PPIP5K2: variants seen among roughly 807,000 people sequenced by gnomAD.
The protein encoded by PPIP5K2 is diphosphoinositol pentakisphosphate kinase 2, also known as inositol hexakisphosphate and diphosphoinositol-pentakisphosphate kinase 2.
A neutral mutation model predicts 154.6 loss-of-function variants in PPIP5K2; 105 were observed. The ratio of observed to expected loss-of-function variants is 0.68; its 90% confidence interval spans 0.58 to 0.80. PPIP5K2 has a LOEUF of 0.80. Among genes scored for constraint, PPIP5K2 ranks in the 30% least tolerant of loss-of-function variants. The probability of loss-of-function intolerance (pLI) is 0.00; values close to 1 mark genes in which losing one functional copy is unlikely to be tolerated. For missense variants in PPIP5K2, 992 were observed against 1,504.6 expected (o/e 0.66, Z 5.64); for synonymous variants, 480 against 490.3 (o/e 0.98, Z 0.28).
intron 5 of PPIP5K2, among the ~76,000 whole-genome samples, chr5:103,143,625 A>T (rs959205353): frequency 6.6e-6 from 1 of 152,228 alleles, no homozygotes; most frequent in Non-Finnish European, 1.5e-5. Flanking sequence ...GAATTCTTGC[A>T]ACAAAACACT....
intron 17 of PPIP5K2, among the ~76,000 whole-genome samples, chr5:103,160,554 A>T (rs1554215306): frequency 6.6e-6 from 1 of 152,218 alleles, no homozygotes; most frequent in East Asian, 1.9e-4. Context: ...GTAAAAGGCC[A>T]GATAGTAAAT....
chr5:103,120,342 C>G lies in PPIP5K2; in HGVS notation c.-431C>G, dbSNP rs1362161518. On this transcript the variant is annotated 5_prime_UTR_variant, in exon 1 of 31. The change creates a premature stop within an existing upstream ORF in the 5' untranslated region. Transcript: ENST00000358359. ...CCCTTATGTGGCCCTATAGCTGTTA[C>G]TGAAGGAAGTAGCCTACGTCCACGC... 4.4e-6 allele frequency: 2 copies of G among 451,238 alleles called. No individual in the cohort carries two copies. Among genetic ancestry groups the G allele is most frequent in the African/African-American group, 2.0e-5 (1 of 49,968 alleles). 28.0% of individuals were successfully genotyped at this position (451,238 alleles called of 1,614,324 possible).
chr5:103,130,208 G>A (rs1439124191), intron 2 of PPIP5K2, among the ~76,000 whole-genome samples: 1 of 152,130 alleles, frequency 6.6e-6, no homozygotes, highest in Non-Finnish European at 1.5e-5. Flanking sequence ...AAGTATCTAT[G>A]TGTTTGTGTG....
intron 24 of PPIP5K2, among the ~76,000 whole-genome samples, chr5:103,182,996 G>A (rs1259402168): frequency 6.6e-6 from 1 of 151,692 alleles, no homozygotes; most frequent in African/African-American, 2.4e-5. Context: ...TTCCATAGTT[G>A]TTATCACATA....
Position 103,177,884 on chromosome 5 carries a change from C to T in PPIP5K2, c.2658C>T (p.Arg886=), listed in dbSNP as rs781790564. The change falls in exon 23 of 31, where the codon CGC becomes CGT. Residue 886 remains arginine (R), a synonymous_variant. Coordinates refer to ENST00000358359, the MANE Select transcript of PPIP5K2 (RefSeq NM_001276277.3). ...DPNKDLSSEE[R]FHVELHFSPG... is the part of the protein sequence containing the mutation. ...CTTAGGATCTTTCCTCAGAAGAACG[C>T]TTTCATGTTGAATTACACTTTAGTC... 1 of 1,612,908 alleles carries T rather than the reference C, an allele frequency of 6.2e-7. No homozygotes were observed. The highest frequency in any genetic ancestry group is 8.5e-7 in the Non-Finnish European group (1 of 1,179,214).
chr5:103,129,193 G>C (rs1790218098), intron 1 of PPIP5K2, 113 bp from the exon 2 acceptor site: 1 of 152,326 alleles, frequency 6.6e-6, no homozygotes, highest in Non-Finnish European at 1.5e-5. Context: ...TTTTCATTTT[G>C]ACAATATACA....
intron 1 of PPIP5K2, among the ~76,000 whole-genome samples, chr5:103,126,410 C>A (rs1195226738): frequency 1.3e-5 from 2 of 151,822 alleles, no homozygotes; most frequent in Non-Finnish European, 2.9e-5. Flanking sequence ...CTTTTTTTTC[C>A]CCGAAAGTTG....
chr5:103,198,008 A>G (rs1554229146), intron 30 of PPIP5K2, among the ~76,000 whole-genome samples: 1 of 152,022 alleles, frequency 6.6e-6, no homozygotes, highest in Admixed American at 6.6e-5. Context: ...ATTGATTGTT[A>G]TCTATTTCAA....
At chr5:103,146,721 T>A (rs782155598) in intron 6 of PPIP5K2, 40 bp downstream of exon 6, 1 of 1,513,808 alleles carries the variant, frequency 6.6e-7, no homozygotes, top group Non-Finnish European at 9.0e-7. Flanking sequence ...CTCTTCTTTG[T>A]ACATTGTCGT....
chr5:103,191,988 C>A (rs2149805991), intron 29 of PPIP5K2, among the ~76,000 whole-genome samples: 1 of 152,094 alleles, frequency 6.6e-6, no homozygotes, highest in Middle Eastern at 3.4e-3. Flanking sequence ...ACTTTTATGT[C>A]TGACTGTCAT....
chr5:103,140,717 G>A (rs1430846639), intron 5 of PPIP5K2, among the ~76,000 whole-genome samples: 2 of 150,850 alleles, frequency 1.3e-5, no homozygotes, highest in East Asian at 3.9e-4. Flanking sequence ...GGCGCCTGTA[G>A]TCCCAGCTAC....
At chr5:103,189,245 T>G (rs532566737) in intron 28 of PPIP5K2, 1 of 1,495,494 alleles carries the variant, frequency 6.7e-7, no homozygotes, top group African/African-American at 1.4e-5. Flanking sequence ...TTATAGCTTC[T>G]AAACATGTCA....
chr5:103,186,537 C>G, intron 27 of PPIP5K2, 98 bp downstream of exon 27: 1 of 1,512,136 alleles, frequency 6.6e-7, no homozygotes, highest in Non-Finnish European at 9.0e-7. Context: ...CTGACTGATT[C>G]GAGTGAAATC....
intron 29 of PPIP5K2, among the ~76,000 whole-genome samples, chr5:103,192,803 T>C (rs781813399): frequency 4.6e-5 from 7 of 152,174 alleles, no homozygotes; most frequent in Non-Finnish European, 7.4e-5. Context: ...CTTCTGTATA[T>C]CATGGATACA....
At chr5:103,166,408 C>T (rs1386985296) in intron 17 of PPIP5K2, among the ~76,000 whole-genome samples, 2 of 151,904 alleles carry the variant, frequency 1.3e-5, no homozygotes, top group African/African-American at 2.4e-5. Context: ...ACCTTGTCGT[C>T]CTGATGTGGC....
intron 21 of PPIP5K2, among the ~76,000 whole-genome samples, chr5:103,177,301 A>G (rs1413781161): frequency 1.3e-5 from 2 of 151,980 alleles, no homozygotes; most frequent in African/African-American, 4.8e-5. Context: ...GTATTTTGGA[A>G]TACTTGCATT....
chr5:103,128,371 A>T (rs1054437564), intron 1 of PPIP5K2, among the ~76,000 whole-genome samples: 12 of 151,176 alleles, frequency 7.9e-5, no homozygotes, highest in African/African-American at 2.2e-4. Flanking sequence ...TTGAGATGCT[A>T]CTGCTCTTAT....
At chr5:103,145,259 A>G (rs943422647) in intron 5 of PPIP5K2, among the ~76,000 whole-genome samples, 1 of 152,118 alleles carries the variant, frequency 6.6e-6, no homozygotes, top group Non-Finnish European at 1.5e-5. Context: ...GCAATAAGAA[A>G]TGTTTGTGAG....
In PPIP5K2 at chr5:103,207,749, T is replaced by C. The variant is rs1803596926; in HGVS notation, c.*6115T>C. 1 of 152,148 alleles carries C rather than the reference T, an allele frequency of 6.6e-6. No homozygotes were observed. Among genetic ancestry groups the C allele is most frequent in the East Asian group, 1.9e-4 (1 of 5,198 alleles). The allele number at this position is 152,148 out of a possible 1,614,324, so 9.4% of individuals were successfully genotyped here. On this transcript the variant is annotated 3_prime_UTR_variant, in exon 31 of 31. Coordinates refer to ENST00000358359, the MANE Select transcript of PPIP5K2 (RefSeq NM_001276277.3). Reference sequence around the variant, plus strand: ...TCCTTTGGTTGTTTTGCTATGGTGTTTCTGATCAACTACATTTCTTTATGA... The same window carrying C: ...TCCTTTGGTTGTTTTGCTATGGTGTCTCTGATCAACTACATTTCTTTATGA...
Sources: gnomAD v4.1 joint callset for allele counts (sites outside exome capture counted in the v4.1 genomes callset) on GRCh38, gnomAD v4.1.1 for gene constraint, MANE v1.5 for transcripts, NCBI Gene and HGNC (gene_info 2026-07-23, HGNC 2026-07-21) for gene names.